ARL6IP5: variants seen among roughly 807,000 people sequenced by gnomAD.
The protein encoded by ARL6IP5 is ARF like GTPase 6 interacting protein 5, also known as PRA1 family protein 3.
ARL6IP5 carries 6 observed loss-of-function variants against 13.0 expected under a neutral mutation model. The observed-to-expected ratio is 0.46, with a 90% confidence interval of 0.25 to 0.91. The LOEUF (loss-of-function observed/expected upper bound fraction) is 0.91, where lower values mean the gene tolerates loss of function less well. Among genes scored for constraint, ARL6IP5 ranks in the 40% least tolerant of loss-of-function variants. ARL6IP5 has a pLI of 0.17. For missense variants in ARL6IP5, 208 were observed against 248.8 expected (o/e 0.84, Z 1.10); for synonymous variants, 91 against 91.9 (o/e 0.99, Z 0.06).
rs576459070 is a variant in ARL6IP5 at position 69,103,546 on chromosome 3, A to C, written c.395-918A>C. ...ATGTTAGGTTTTTAGAAAGCTCGTCAACTATTTCTAACGGGTGGTCTAGGT... is the reference window on the plus strand; with the variant it reads ...ATGTTAGGTTTTTAGAAAGCTCGTCCACTATTTCTAACGGGTGGTCTAGGT... On this transcript the variant is annotated intron_variant, in intron 2 of 2. Transcript: ENST00000273258. Among the ~76,000 whole-genome samples, 27 of 152,356 alleles carry C rather than the reference A, an allele frequency of 1.8e-4. No homozygotes were observed. The South Asian group carries it at 5.6e-3, about 32-fold the overall frequency.
chr3:69,094,317 T>C (rs972888027), intron 1 of ARL6IP5, among the ~76,000 whole-genome samples: 1 of 152,174 alleles, frequency 6.6e-6, no homozygotes, highest in Non-Finnish European at 1.5e-5. Flanking sequence ...AGGCCCCACT[T>C]ACCCCCTCAG....
intron 1 of ARL6IP5, among the ~76,000 whole-genome samples, chr3:69,094,885 AT>A (rs11409848): frequency 1.3e-5 from 2 of 151,576 alleles, no homozygotes; most frequent in East Asian, 1.9e-4. Flanking sequence ...ATTTTGTGAG[AT>A]TTTTTTTTCC....
intron 2 of ARL6IP5, 184 bp downstream of exon 2, chr3:69,102,240 A>T (rs975578950): frequency 4.7e-6 from 3 of 636,794 alleles, no homozygotes; most frequent in Non-Finnish European, 5.4e-6. Context: ...GTCAAGAACT[A>T]TGAGGTCAAG....
chr3:69,101,740 A>G, intron 1 of ARL6IP5, 99 bp from the exon 2 acceptor site: 1 of 956,178 alleles, frequency 1.0e-6, no homozygotes, highest in South Asian at 1.4e-5. Context: ...GTATTAAAGT[A>G]TTAGTAAGTT....
At chr3:69,089,708 C>A in intron 1 of ARL6IP5, 2 of 427,162 alleles carry the variant, frequency 4.7e-6, no homozygotes, top group Non-Finnish European at 4.7e-6. Context: ...TCAGAATCAC[C>A]AACCACACAC....
intron 1 of ARL6IP5, among the ~76,000 whole-genome samples, chr3:69,087,985 C>G (rs746364761): frequency 1.3e-5 from 2 of 152,072 alleles, no homozygotes; most frequent in Admixed American, 6.5e-5. Flanking sequence ...ATTGAGTGCT[C>G]TGTGTGTCAG....
At position 69,085,928 on chromosome 3, in the gene ARL6IP5, A is replaced by G. The variant is rs142423050; in HGVS notation, c.176+705A>G. ...CCTTTTCAATACCTGATACTTAACA[A>G]AGTATCCTGTGTTGAGACTGCATGT... On this transcript the variant is annotated intron_variant, in intron 1 of 2. Transcript: ENST00000273258. 4.1e-4 allele frequency among the ~76,000 whole-genome samples: 63 copies of G among 152,306 alleles called. No homozygotes were observed. The East Asian group carries it at 7.0e-3, about 17-fold the overall frequency.
intron 1 of ARL6IP5, among the ~76,000 whole-genome samples, chr3:69,086,453 G>A (rs1282742489): frequency 2.0e-5 from 3 of 152,222 alleles, no homozygotes; most frequent in Non-Finnish European, 4.4e-5. Flanking sequence ...TCACCCCCAT[G>A]CAGAGGTGGA....
At position 69,098,169 on chromosome 3, in the gene ARL6IP5, C is replaced by T. The variant is rs560772467; in HGVS notation, c.177-3670C>T. Among the ~76,000 whole-genome samples, 64 of 150,154 alleles carry T rather than the reference C, an allele frequency of 4.3e-4. No homozygotes were observed. The South Asian group carries it at 0.012, about 29-fold the overall frequency. On this transcript the variant is annotated intron_variant, in intron 1 of 2. Coordinates refer to ENST00000273258, the MANE Select transcript of ARL6IP5 (RefSeq NM_006407.4). ...TCGGCTCACTGCACCCTCTGCCTCC[C>T]GGGTTCAAGTGATTCTCCTGCCTCA...
intron 1 of ARL6IP5, among the ~76,000 whole-genome samples, chr3:69,093,772 A>AG (rs71115649): frequency 0.1 from 14,947 of 146,738 alleles, 933 homozygotes; most frequent in East Asian, 0.26. Flanking sequence ...AAAAAAAAAA[A>AG]AAAAGAAAAG....
At chr3:69,088,035 C>G (rs1253145799) in intron 1 of ARL6IP5, among the ~76,000 whole-genome samples, 1 of 152,068 alleles carries the variant, frequency 6.6e-6, no homozygotes, top group East Asian at 1.9e-4. Context: ...TGTCATAGAA[C>G]CCAATTTTAA....
chr3:69,103,431 G>T (rs1023109459), intron 2 of ARL6IP5, among the ~76,000 whole-genome samples: 9 of 152,132 alleles, frequency 5.9e-5, no homozygotes, highest in South Asian at 2.1e-4. Flanking sequence ...TTCCCAAACG[G>T]ATAATTGTGA....
intron 1 of ARL6IP5, among the ~76,000 whole-genome samples, chr3:69,086,928 G>C (rs2092250681): frequency 6.6e-6 from 1 of 151,962 alleles, no homozygotes. Context: ...TCACCATGTT[G>C]GCCAGGTGAT....
intron 1 of ARL6IP5, among the ~76,000 whole-genome samples, chr3:69,091,664 T>C (rs2092267560): frequency 6.6e-6 from 1 of 150,726 alleles, no homozygotes; most frequent in Admixed American, 6.6e-5. Context: ...CTTTTTTTTT[T>C]TTTTTTTTTT....
intron 1 of ARL6IP5, among the ~76,000 whole-genome samples, chr3:69,097,124 T>C (rs1381944025): frequency 6.6e-6 from 1 of 152,090 alleles, no homozygotes; most frequent in African/African-American, 2.4e-5. Flanking sequence ...CCTACTATAC[T>C]GTAGTCTTTG....
chr3:69,087,605 A>G (rs1000864847), intron 1 of ARL6IP5, among the ~76,000 whole-genome samples: 1 of 152,184 alleles, frequency 6.6e-6, no homozygotes. Flanking sequence ...CAGCCCTTTG[A>G]CTAAATATAG....
In ARL6IP5 at chr3:69,104,794, A is replaced by AAACATCAGAGC; in HGVS notation, c.*158_*159insAACATCAGAGC. 1 of 849,074 alleles carries AAACATCAGAGC rather than the reference A, an allele frequency of 1.2e-6. No individual in the cohort carries two copies. Among genetic ancestry groups the AAACATCAGAGC allele is most frequent in the Non-Finnish European group, 1.9e-6 (1 of 519,438 alleles). 52.6% of individuals were successfully genotyped at this position (849,074 alleles called of 1,614,324 possible). On this transcript the variant is annotated 3_prime_UTR_variant, in exon 3 of 3. Coordinates refer to ENST00000273258, the MANE Select transcript of ARL6IP5 (RefSeq NM_006407.4). ...ATAGGCCGAACTATTATCAGCTCTG[A>AAACATCAGAGC]TGTTTCAGAGAGAAGACCTCAGAAA...
In ARL6IP5 at chr3:69,085,232, G is replaced by A. The variant is rs1337967474; in HGVS notation, c.176+9G>A. ...ATGATTTCCATTGTGGGGTAAGTGG[G>A]GTCCCCCTACCCGGGACACCGATCC... On this transcript the variant is annotated intron_variant, in intron 1 of 2. Coordinates refer to ENST00000273258, the MANE Select transcript of ARL6IP5 (RefSeq NM_006407.4). 2 of 1,609,208 alleles carry A rather than the reference G, an allele frequency of 1.2e-6. No individual in the cohort carries two copies. The highest frequency in any genetic ancestry group is 1.7e-6 in the Non-Finnish European group (2 of 1,176,466).
Position 69,104,452 on chromosome 3 carries a change from C to T in ARL6IP5, c.395-12C>T. 1 of 1,607,382 alleles carries T rather than the reference C, an allele frequency of 6.2e-7. No individual in the cohort carries two copies. Among genetic ancestry groups the T allele is most frequent in the East Asian group, 2.2e-5 (1 of 44,790 alleles). On this transcript the variant is annotated splice_polypyrimidine_tract_variant and intron_variant, in intron 2 of 2. Transcript: ENST00000273258. ...GTTGCTTTGGTGTTAACCAGGTGTC[C>T]CTTCTCTGCAGTGATGTTTATCCAT...
Sources: allele counts gnomAD v4.1 joint callset (sites outside exome capture counted in the v4.1 genomes callset), GRCh38; gene constraint gnomAD v4.1.1; transcripts MANE v1.5; gene names NCBI Gene and HGNC (gene_info 2026-07-23, HGNC 2026-07-21).